Variants in MC2R observed in about 807,000 individuals in gnomAD.
MC2R encodes the protein adrenocorticotropic hormone receptor.
In MC2R, 9 loss-of-function variants were observed where a neutral mutation model predicts 9.8. The ratio of observed to expected loss-of-function variants is 0.92; its 90% CI spans 0.55 to 1.60. The LOEUF (loss-of-function observed/expected upper bound fraction) is 1.60, where lower values mean the gene tolerates loss of function less well. MC2R is among the 40% of genes most tolerant of loss of function. MC2R has a pLI of 0.00. For synonymous variants in MC2R, 185 were observed against 154.7 expected (o/e 1.20, Z -1.45); for missense variants, 370 against 389.0 (o/e 0.95, Z 0.41).
At chr18:13,895,121 G>A (rs1354077224) in intron 1 of MC2R, among the ~76,000 whole-genome samples, 1 of 152,212 alleles carries the variant, frequency 6.6e-6, no homozygotes, top group African/African-American at 2.4e-5. Context: ...GCCTTGGGAT[G>A]TGACAATCAG....
chr18:13,893,808 G>A lies in MC2R; in HGVS notation c.-128-8162C>T, dbSNP rs534307987. On this transcript the variant is annotated intron_variant, in intron 1 of 1. Transcript: ENST00000327606. ...CAGAGGGTGAAGATGAATCACTGAC[G>A]TGGAGAGGCTGAGTCTGCAGATATT... is the stretch of plus-strand genomic sequence containing the variant. Among the ~76,000 whole-genome samples the A allele has an allele frequency of 2.1e-4, 32 of 152,334 alleles. 1 individual carries two copies. The highest frequency in any genetic ancestry group is 6.0e-4 in the African/African-American group (25 of 41,576).
chr18:13,884,125 C>T lies in MC2R; in HGVS notation c.*500G>A, dbSNP rs1446319432. On this transcript the variant is annotated 3_prime_UTR_variant, in exon 2 of 2. Transcript: ENST00000327606. ...TTCCTTCCAATTTATTATTGGCTTA[C>T]AGAGACCCTACATCTTCTGCCTGGA... 1 of 197,548 alleles carries T rather than the reference C, an allele frequency of 5.1e-6. No individual in the cohort carries two copies. The highest frequency in any genetic ancestry group is 1.0e-5 in the Non-Finnish European group (1 of 95,534). 12.2% of individuals were successfully genotyped at this position (197,548 alleles called of 1,614,324 possible).
intron 1 of MC2R, among the ~76,000 whole-genome samples, chr18:13,890,139 T>G (rs1032072410): frequency 6.6e-6 from 1 of 152,156 alleles, no homozygotes; most frequent in Admixed American, 6.5e-5. Context: ...TAAATTTCAT[T>G]TAGAGAAAAA....
Position 13,884,583 on chromosome 18 carries a change from C to T in MC2R, c.*42G>A, listed in dbSNP as rs1366973522. ...AATGTTACACTATTCTGGCACTTGG[C>T]AACGTTATTCCCATGGATTCTAAAA... On this transcript the variant is annotated 3_prime_UTR_variant, in exon 2 of 2. Coordinates refer to ENST00000327606, the MANE Select transcript of MC2R (RefSeq NM_000529.2). The T allele has an allele frequency of 1.2e-6, 2 of 1,602,350 alleles. No homozygotes were observed. Among genetic ancestry groups the T allele is most frequent in the Admixed American group, 3.3e-5 (2 of 60,008 alleles).
At chr18:13,899,092 A>G (rs560619155) in intron 1 of MC2R, among the ~76,000 whole-genome samples, 1 of 152,358 alleles carries the variant, frequency 6.6e-6, no homozygotes, top group Admixed American at 6.5e-5. Context: ...ACCTGTATTG[A>G]AGAAACTCAA....
At chr18:13,903,365 T>C (rs928404378) in intron 1 of MC2R, among the ~76,000 whole-genome samples, 1 of 152,192 alleles carries the variant, frequency 6.6e-6, no homozygotes, top group East Asian at 1.9e-4. Context: ...GGGAAGGAAA[T>C]CAGCATATTG....
At chr18:13,909,435 G>A (rs562244003) in intron 1 of MC2R, among the ~76,000 whole-genome samples, 3 of 152,314 alleles carry the variant, frequency 2.0e-5, no homozygotes, top group East Asian at 3.9e-4. Flanking sequence ...TCTTTGGAAG[G>A]AAGTCAGAAT....
chr18:13,890,360 T>A (rs1029995987), intron 1 of MC2R, among the ~76,000 whole-genome samples: 5 of 152,164 alleles, frequency 3.3e-5, no homozygotes, highest in Admixed American at 1.3e-4. Context: ...CTCGGATTGC[T>A]CTTCTGGAGA....
intron 1 of MC2R, among the ~76,000 whole-genome samples, chr18:13,914,499 G>C (rs12960399): frequency 6.6e-6 from 1 of 152,124 alleles, no homozygotes; most frequent in Non-Finnish European, 1.5e-5. Context: ...GATGGGGTGG[G>C]GAGGGCATGT....
At chr18:13,898,826 C>A (rs1335255063) in intron 1 of MC2R, among the ~76,000 whole-genome samples, 2 of 152,132 alleles carry the variant, frequency 1.3e-5, no homozygotes, top group Non-Finnish European at 2.9e-5. Context: ...GCTTGGAGTG[C>A]CCCCTAAAGC....
chr18:13,889,360 G>A (rs1361435470), intron 1 of MC2R, among the ~76,000 whole-genome samples: 1 of 152,218 alleles, frequency 6.6e-6, no homozygotes, highest in Non-Finnish European at 1.5e-5. Flanking sequence ...GGAGAAAAGA[G>A]ACAAGTTTTT....
intron 1 of MC2R, among the ~76,000 whole-genome samples, chr18:13,893,710 CAAAAG>C (rs1391350473): frequency 2.0e-5 from 3 of 152,008 alleles, no homozygotes; most frequent in Non-Finnish European, 4.4e-5. Flanking sequence ...AAATCAATAA[CAAAAG>C]AGAAGATTTT....
At chr18:13,909,377 T>C (rs2045431887) in intron 1 of MC2R, among the ~76,000 whole-genome samples, 1 of 152,134 alleles carries the variant, frequency 6.6e-6, no homozygotes, top group Non-Finnish European at 1.5e-5. Context: ...GCTTGCCGGG[T>C]TTCCCCACTG....
intron 1 of MC2R, among the ~76,000 whole-genome samples, chr18:13,908,707 TGTG>T (rs577833970): frequency 0.18 from 4,201 of 23,802 alleles, 188 homozygotes; most frequent in Middle Eastern, 0.22. Context: ...AGGAGCTTCT[TGTG>T]TGTGTGTGTG....
chr18:13,902,004 G>C (rs1347790693), intron 1 of MC2R, among the ~76,000 whole-genome samples: 1 of 151,822 alleles, frequency 6.6e-6, no homozygotes, highest in Non-Finnish European at 1.5e-5. Flanking sequence ...GCCAAATACT[G>C]GCAAACCAAA....
chr18:13,911,002 G>T (rs1292058955), intron 1 of MC2R, among the ~76,000 whole-genome samples: 3 of 152,198 alleles, frequency 2.0e-5, no homozygotes, highest in Non-Finnish European at 2.9e-5. Flanking sequence ...GTTGACATTG[G>T]CTCACTTAAT....
intron 1 of MC2R, among the ~76,000 whole-genome samples, chr18:13,897,393 T>C (rs1266063545): frequency 1.3e-5 from 2 of 152,154 alleles, no homozygotes; most frequent in African/African-American, 4.8e-5. Flanking sequence ...CACAGAAAGC[T>C]ACAGTGCTGT....
chr18:13,904,827 A>T (rs2045403423), intron 1 of MC2R, among the ~76,000 whole-genome samples: 1 of 152,192 alleles, frequency 6.6e-6, no homozygotes, highest in South Asian at 2.1e-4. Flanking sequence ...TGGTGCTGGG[A>T]GAAAAGTGGC....
chr18:13,886,500 G>A (rs185722658), intron 1 of MC2R, among the ~76,000 whole-genome samples: 68 of 152,348 alleles, frequency 4.5e-4, no homozygotes, highest in Middle Eastern at 3.4e-3. Context: ...ACTGGGAGGC[G>A]GTGGCTGGGC....
Sources: allele counts gnomAD v4.1 joint callset (sites outside exome capture counted in the v4.1 genomes callset), GRCh38; gene constraint gnomAD v4.1.1; transcripts MANE v1.5; gene names NCBI Gene and HGNC (gene_info 2026-07-23, HGNC 2026-07-21).